The following FAM114A1 variants were observed in gnomAD, a reference collection of about 807,000 sequenced individuals.
The protein encoded by FAM114A1 is protein NOXP20.
Under a neutral mutation model 64.3 loss-of-function variants are expected in FAM114A1, and 62 were observed. That is an observed-to-expected ratio of 0.96 (90% CI 0.79 to 1.19). The LOEUF (loss-of-function observed/expected upper bound fraction) is 1.19, where lower values mean the gene tolerates loss of function less well. FAM114A1 is among the 50% of genes most tolerant of loss of function. The pLI, the probability that FAM114A1 is intolerant of heterozygous loss-of-function variation, is 0.00. For missense variants in FAM114A1, 645 were observed against 676.3 expected, an observed-to-expected ratio of 0.95 and a Z score of 0.51; for synonymous variants, 254 against 251.1, an observed-to-expected ratio of 1.01 and a Z score of -0.11.
Position 38,878,185 on chromosome 4 carries a change from C to G in FAM114A1, c.107C>G (p.Ser36Ter). ...GAGGATGCAGAAGTGCATTGTGATT[C>G]AGCTGCAGTTTCACATGAGCCAACA... ...LPEDAEVHCDSAAVSHEPTPA... is the reference protein window; with the variant it reads ...LPEDAEVHCD The change falls in exon 3 of 15, where the codon TCA becomes TGA. Residue 36 changes from serine to a stop codon, truncating the protein, a stop_gained. Transcript: ENST00000358869. LOFTEE classifies it high-confidence loss of function. The G allele has an allele frequency of 6.2e-7, 1 of 1,614,206 alleles. No homozygotes were observed. Among genetic ancestry groups the G allele is most frequent in the South Asian group, 1.1e-5 (1 of 91,084 alleles).
chr4:38,934,983 C>T (rs1296346432), intron 12 of FAM114A1, among the ~76,000 whole-genome samples: 3 of 151,604 alleles, frequency 2.0e-5, no homozygotes, highest in Non-Finnish European at 4.4e-5. Flanking sequence ...GGCATGATCT[C>T]GGCTCACTGC....
intron 9 of FAM114A1, among the ~76,000 whole-genome samples, chr4:38,923,957 A>G (rs957033495): frequency 5.9e-5 from 9 of 152,216 alleles, no homozygotes; most frequent in Non-Finnish European, 1.2e-4. Flanking sequence ...GAGATTTCTT[A>G]CTGATGTCAT....
intron 3 of FAM114A1, 62 bp downstream of exon 3, chr4:38,878,488 A>AGCTTGGT: frequency 6.9e-7 from 1 of 1,442,742 alleles, no homozygotes; most frequent in Non-Finnish European, 9.4e-7. Flanking sequence ...CCGTGTGCAG[A>AGCTTGGT]GCTAGCACCA....
chr4:38,905,737 T>C lies in FAM114A1; in HGVS notation c.551-18T>C. On this transcript the variant is annotated intron_variant, in intron 5 of 14. Transcript: ENST00000358869. Reference sequence around the variant, plus strand: ...ATCAGCGACGTGAACTCTTAAAGGATTTCTTTTTTCTCTTTAGTAACAGAT... The same window carrying C: ...ATCAGCGACGTGAACTCTTAAAGGACTTCTTTTTTCTCTTTAGTAACAGAT... 2 of 1,611,042 alleles carry C rather than the reference T, an allele frequency of 1.2e-6. No homozygotes were observed. The highest frequency in any genetic ancestry group is 1.7e-6 in the Non-Finnish European group (2 of 1,179,168).
At chr4:38,876,497 A>G (rs1472306624) in intron 2 of FAM114A1, among the ~76,000 whole-genome samples, 1 of 152,074 alleles carries the variant, frequency 6.6e-6, no homozygotes, top group Non-Finnish European at 1.5e-5. Context: ...CATTATTGCT[A>G]CAAATATAAT....
chr4:38,893,206 A>G (rs538645240), intron 4 of FAM114A1, among the ~76,000 whole-genome samples: 1 of 152,396 alleles, frequency 6.6e-6, no homozygotes, highest in East Asian at 1.9e-4. Context: ...CTTAGTGGCT[A>G]TCAAAAGGAT....
At chr4:38,904,098 G>C (rs527643804) in intron 4 of FAM114A1, among the ~76,000 whole-genome samples, 29 of 152,240 alleles carry the variant, frequency 1.9e-4, no homozygotes, top group African/African-American at 6.5e-4. Context: ...AATTCTGTTG[G>C]GACTTGGGAC....
chr4:38,908,530 G>T (rs1276374521), intron 6 of FAM114A1, 62 bp from the exon 7 acceptor site: 4 of 1,491,946 alleles, frequency 2.7e-6, no homozygotes, highest in Non-Finnish European at 3.6e-6. Context: ...CCTAGGAGTT[G>T]CTGACTGCTG....
chr4:38,893,537 G>A (rs1336192291), intron 4 of FAM114A1, among the ~76,000 whole-genome samples: 3 of 152,142 alleles, frequency 2.0e-5, no homozygotes, highest in African/African-American at 7.2e-5. Flanking sequence ...CTGCTCTGTG[G>A]TAGCAGCTAT....
intron 9 of FAM114A1, among the ~76,000 whole-genome samples, chr4:38,924,690 T>G (rs1234894394): frequency 6.6e-6 from 1 of 152,182 alleles, no homozygotes; most frequent in African/African-American, 2.4e-5. Flanking sequence ...AGTATGTTCC[T>G]CCCGGAGTCA....
At chr4:38,927,766 C>A (rs1358953515) in intron 9 of FAM114A1, among the ~76,000 whole-genome samples, 1 of 152,232 alleles carries the variant, frequency 6.6e-6, no homozygotes, top group Non-Finnish European at 1.5e-5. Flanking sequence ...TCACTGCAAC[C>A]TCTGCCTCCC....
At chr4:38,876,169 C>CTTTTTTTTTTTT (rs1163508013) in intron 2 of FAM114A1, among the ~76,000 whole-genome samples, 1 of 69,078 alleles carries the variant, frequency 1.4e-5, no homozygotes, top group Non-Finnish European at 2.9e-5. Flanking sequence ...ATTCTTTTTT[C>CTTTTTTTTTTTT]TTTTTTTTTT....
intron 3 of FAM114A1, among the ~76,000 whole-genome samples, chr4:38,882,364 T>TCACACCTGTAATCCCAG (rs1365750643): frequency 6.9e-6 from 1 of 144,416 alleles, no homozygotes; most frequent in Non-Finnish European, 1.5e-5. Context: ...GTGCAGTGGC[T>TCACACCTGTAATCCCAG]CACACCTGTA....
At chr4:38,936,981 G>A (rs1721166592) in intron 13 of FAM114A1, among the ~76,000 whole-genome samples, 1 of 152,170 alleles carries the variant, frequency 6.6e-6, no homozygotes, top group South Asian at 2.1e-4. Context: ...TTGGAGGTAT[G>A]GCCTCTGGTT....
intron 4 of FAM114A1, 121 bp from the exon 5 acceptor site, chr4:38,905,401 A>G (rs73236670): frequency 6.0e-6 from 2 of 332,100 alleles, no homozygotes; most frequent in South Asian, 1.3e-4. Context: ...TCCATCTTTT[A>G]AAAAAAAAAA....
At chr4:38,903,789 A>G (rs1363474946) in intron 4 of FAM114A1, among the ~76,000 whole-genome samples, 2 of 152,210 alleles carry the variant, frequency 1.3e-5, no homozygotes, top group African/African-American at 4.8e-5. Context: ...TGATCTGCAC[A>G]TGACTATAAA....
chr4:38,904,793 A>G (rs1406208773), intron 4 of FAM114A1, among the ~76,000 whole-genome samples: 1 of 152,256 alleles, frequency 6.6e-6, no homozygotes, highest in Non-Finnish European at 1.5e-5. Context: ...TGAATGAAGA[A>G]TATCTTCCAT....
intron 3 of FAM114A1, among the ~76,000 whole-genome samples, chr4:38,885,296 G>GTC (rs368707132): frequency 3.3e-5 from 5 of 149,922 alleles, no homozygotes; most frequent in Admixed American, 6.6e-5. Context: ...TAAAAAAATA[G>GTC]TCTCTCTCTC....
intron 7 of FAM114A1, among the ~76,000 whole-genome samples, chr4:38,914,235 A>G (rs1235597297): frequency 6.6e-6 from 1 of 152,052 alleles, no homozygotes; most frequent in Non-Finnish European, 1.5e-5. Context: ...GCATACATAA[A>G]ACTCGCTCAT....
Sources: allele counts gnomAD v4.1 joint callset (sites outside exome capture counted in the v4.1 genomes callset), GRCh38; gene constraint gnomAD v4.1.1; transcripts MANE v1.5; gene names NCBI Gene and HGNC (gene_info 2026-07-23, HGNC 2026-07-21).